The following MLXIP variants were observed in gnomAD, a reference collection of about 807,000 sequenced individuals.
MLXIP encodes the protein MLX-interacting protein.
MLXIP carries 30 observed loss-of-function variants against 87.2 expected under a neutral mutation model. That is an observed-to-expected ratio of 0.34 (90% CI 0.26 to 0.47). The LOEUF is 0.47. Among genes scored for constraint, MLXIP ranks in the 20% least tolerant of loss-of-function variants. The pLI is 1.00. For missense variants in MLXIP, 1,002 were observed against 1,240.1 expected, an observed-to-expected ratio of 0.81 and a Z score of 2.88; for synonymous variants, 530 against 514.0, an observed-to-expected ratio of 1.03 and a Z score of -0.42.
intron 1 of MLXIP, among the ~76,000 whole-genome samples, chr12:122,095,120 G>A (rs1258686248): frequency 1.4e-5 from 2 of 146,906 alleles, no homozygotes; most frequent in East Asian, 2.0e-4. Context: ...GTGTGTGTGG[G>A]GTGTGGGTAT....
At chr12:122,129,821 C>T in intron 5 of MLXIP, 120 bp from the exon 6 acceptor site, 2 of 1,365,862 alleles carry the variant, frequency 1.5e-6, no homozygotes, top group Admixed American at 2.1e-5. Context: ...ATGCCTCCAC[C>T]CTGCTGCCTC....
rs1001604722 is a variant in MLXIP at position 122,079,275 on chromosome 12, C to T, written c.413+9C>T. ...ATGACTTTGGCCTACAGGTAGGGAC[C>T]CCCGCGACCCCCTGAGGCCCCGGCC... is the stretch of plus-strand genomic sequence containing the variant. On this transcript the variant is annotated intron_variant, in intron 1 of 16. Transcript: ENST00000319080. 2 of 1,547,650 alleles carry T rather than the reference C, an allele frequency of 1.3e-6. No individual in the cohort carries two copies. The highest frequency in any genetic ancestry group is 1.4e-5 in the African/African-American group (1 of 72,900).
rs1265303558 is a variant in MLXIP at position 122,144,409 on chromosome 12, C to A, written c.*2597C>A. On this transcript the variant is annotated 3_prime_UTR_variant, in exon 17 of 17. Transcript: ENST00000319080. Reference sequence around the variant, plus strand: ...CCAACCCTGGCAACATAACAAGACCCTGTCTCTACAAAAAAAAAAAAAAAA... The same window carrying A: ...CCAACCCTGGCAACATAACAAGACCATGTCTCTACAAAAAAAAAAAAAAAA... 1 of 134,462 alleles carries A rather than the reference C, an allele frequency of 7.4e-6. No homozygotes were observed. The highest frequency in any genetic ancestry group is 2.2e-4 in the East Asian group (1 of 4,608). The allele number at this position is 134,462 out of a possible 1,614,324, so 8.3% of individuals were successfully genotyped here.
At chr12:122,120,427 C>T (rs937528865) in intron 1 of MLXIP, among the ~76,000 whole-genome samples, 4 of 152,100 alleles carry the variant, frequency 2.6e-5, no homozygotes. Flanking sequence ...TCTCTCACTA[C>T]GTTACCCAGA....
intron 1 of MLXIP, among the ~76,000 whole-genome samples, chr12:122,114,704 C>T (rs1178724905): frequency 8.0e-5 from 12 of 150,416 alleles, no homozygotes; most frequent in Non-Finnish European, 5.9e-5. Context: ...CAGCCCAGGG[C>T]AAAGGCTTGA....
chr12:122,138,977 G>A (rs1323529076), intron 15 of MLXIP, 39 bp downstream of exon 15: 14 of 1,610,700 alleles, frequency 8.7e-6, no homozygotes, highest in Admixed American at 1.7e-5. Flanking sequence ...CCGGCCCTCA[G>A]CCAATGCACT....
chr12:122,126,585 T>C (rs1052803574), intron 1 of MLXIP, among the ~76,000 whole-genome samples: 14 of 152,072 alleles, frequency 9.2e-5, no homozygotes, highest in Admixed American at 2.6e-4. Flanking sequence ...GGTACTTGGA[T>C]TGTGAATGCC....
chr12:122,140,662 C>A (rs528295203), intron 15 of MLXIP, among the ~76,000 whole-genome samples: 2 of 152,130 alleles, frequency 1.3e-5, no homozygotes, highest in South Asian at 2.1e-4. Context: ...CGATTTTGAT[C>A]GCATGTTTGT....
In MLXIP at chr12:122,078,969, C is replaced by CCCCGCCG; in HGVS notation, c.123_129dup (p.Ser44AlafsTer75). 9.2e-7 allele frequency: 1 copy of CCCCGCCG among 1,090,230 alleles called. No homozygotes were observed. Among genetic ancestry groups the CCCCGCCG allele is most frequent in the Non-Finnish European group, 1.1e-6 (1 of 893,426 alleles). 67.5% of individuals were successfully genotyped at this position (1,090,230 alleles called of 1,614,324 possible). On this transcript the variant is annotated frameshift_variant, in exon 1 of 17. Transcript: ENST00000319080. LOFTEE classifies it high-confidence loss of function. The stretch of plus-strand genomic sequence containing the variant: ...GACGACTCGGACACGGATGAGCCGT[C>CCCCGCCG]CCCGCCGCCCGCCTCCGGCGCGGCC...
intron 1 of MLXIP, among the ~76,000 whole-genome samples, chr12:122,089,225 A>G (rs937177591): frequency 2.5e-4 from 38 of 152,224 alleles, no homozygotes; most frequent in African/African-American, 8.9e-4. Flanking sequence ...ACCTCTTCAT[A>G]TGGTTACATG....
At chr12:122,079,944 CCTT>C (rs1172718378) in intron 1 of MLXIP, among the ~76,000 whole-genome samples, 1 of 152,128 alleles carries the variant, frequency 6.6e-6, no homozygotes, top group Admixed American at 6.5e-5. Flanking sequence ...TGCAGTCTGT[CCTT>C]CTGGCAAGTT....
At chr12:122,086,264 C>T (rs1952166956) in intron 1 of MLXIP, among the ~76,000 whole-genome samples, 1 of 152,120 alleles carries the variant, frequency 6.6e-6, no homozygotes, top group South Asian at 2.1e-4. Flanking sequence ...ACTAAGTTTG[C>T]GGTAATTTGT....
At chr12:122,086,064 G>T (rs1465482269) in intron 1 of MLXIP, among the ~76,000 whole-genome samples, 1 of 152,166 alleles carries the variant, frequency 6.6e-6, no homozygotes, top group Non-Finnish European at 1.5e-5. Flanking sequence ...GTCAGCTGCT[G>T]TTGGCAGCTT....
rs754835744 is a variant in MLXIP at position 122,142,252 on chromosome 12, C to T, written c.*440C>T. On this transcript the variant is annotated 3_prime_UTR_variant, in exon 17 of 17. Transcript: ENST00000319080. ...TCCACATGCATGCCTCTGCCTGATGCCCTGCTCCACTCTCTGGTCTGCCCG... is the reference window on the plus strand; with the variant it reads ...TCCACATGCATGCCTCTGCCTGATGTCCTGCTCCACTCTCTGGTCTGCCCG... 1 of 697,948 alleles carries T rather than the reference C, an allele frequency of 1.4e-6. No homozygotes were observed. Among genetic ancestry groups the T allele is most frequent in the Non-Finnish European group, 2.6e-6 (1 of 382,442 alleles). 43.2% of individuals were successfully genotyped at this position (697,948 alleles called of 1,614,324 possible).
At chr12:122,138,123 T>C (rs1953126963) in intron 12 of MLXIP, 71 bp from the exon 13 acceptor site, 6 of 1,344,130 alleles carry the variant, frequency 4.5e-6, no homozygotes, top group East Asian at 2.5e-5. Context: ...AGGATCAGCG[T>C]AGGGGGTGAG....
At chr12:122,085,131 C>T (rs1359122422) in intron 1 of MLXIP, among the ~76,000 whole-genome samples, 2 of 152,010 alleles carry the variant, frequency 1.3e-5, no homozygotes, top group Admixed American at 6.6e-5. Flanking sequence ...GTGGATGCCT[C>T]GGTCCACTCC....
At chr12:122,097,926 C>T (rs1351824681) in intron 1 of MLXIP, among the ~76,000 whole-genome samples, 1 of 152,204 alleles carries the variant, frequency 6.6e-6, no homozygotes, top group African/African-American at 2.4e-5. Context: ...CAGCTCTGGC[C>T]TGGCCTTGGC....
rs1266814759 is a variant in MLXIP at position 122,140,993 on chromosome 12, G to A, written c.2548G>A (p.Gly850Ser). 18 of 1,613,860 alleles carry A rather than the reference G, an allele frequency of 1.1e-5. No individual in the cohort carries two copies. The highest frequency in any genetic ancestry group is 1.5e-5 in the Non-Finnish European group (18 of 1,179,900). ...IIKPLFESFKGMVSTSSLEEL... is the reference protein window; with the variant it reads ...IIKPLFESFKSMVSTSSLEEL... ...CAAGCCGCTGTTTGAGTCGTTCAAGGGCATGGTGTCCACCAGCAGCCTGGA... is the reference window on the plus strand; with the variant it reads ...CAAGCCGCTGTTTGAGTCGTTCAAGAGCATGGTGTCCACCAGCAGCCTGGA... Residue 850 changes from glycine to serine, a missense_variant, in exon 16 of 17, where the codon GGC becomes AGC. By Grantham distance (56) the Gly-to-Ser change is moderately conservative. Coordinates refer to ENST00000319080, the MANE Select transcript of MLXIP (RefSeq NM_014938.6).
In MLXIP at chr12:122,133,455, A is replaced by G. The variant is rs769156358; in HGVS notation, c.1200A>G (p.Glu400=). 1.5e-5 allele frequency: 24 copies of G among 1,613,182 alleles called. No homozygotes were observed. The highest frequency in any genetic ancestry group is 2.0e-5 in the Non-Finnish European group (24 of 1,179,806). ...CTCACATGGATGAGCAGGGCTGTGAACACACCTCCCGGACTGAGGACCCGT... is the reference window on the plus strand; with the variant it reads ...CTCACATGGATGAGCAGGGCTGTGAGCACACCTCCCGGACTGAGGACCCGT... ...SLAHMDEQGC[E]HTSRTEDPFI... Residue 400 remains glutamate, a synonymous_variant, in exon 9 of 17, where the codon GAA becomes GAG. Coordinates refer to ENST00000319080, the MANE Select transcript of MLXIP (RefSeq NM_014938.6). This position sits in a 1 kb window ranked among gnomAD's most constrained non-coding sequence, Gnocchi z 4.9.
Sources: allele counts gnomAD v4.1 joint callset (sites outside exome capture counted in the v4.1 genomes callset), GRCh38; gene constraint gnomAD v4.1.1; non-coding constraint Gnocchi (gnomAD v3.1); transcripts MANE v1.5; gene names NCBI Gene and HGNC (gene_info 2026-07-23, HGNC 2026-07-21).